The following DSCAM variants were observed in gnomAD, a reference collection of about 807,000 sequenced individuals.
The protein encoded by DSCAM is DS cell adhesion molecule, also known as cell adhesion molecule DSCAM.
A neutral mutation model predicts 217.7 loss-of-function variants in DSCAM; 47 were observed. The observed-to-expected ratio is 0.22, with a 90% confidence interval of 0.17 to 0.28. DSCAM has a LOEUF of 0.28. Among genes scored for constraint, DSCAM ranks in the 10% least tolerant of loss-of-function variants. DSCAM has a pLI of 1.00. For synonymous variants in DSCAM, 1,056 were observed against 1,015.3 expected, an observed-to-expected ratio of 1.04 and a Z score of -0.76; for missense variants, 2,080 against 2,618.3, an observed-to-expected ratio of 0.79 and a Z score of 4.49.
At chr21:40,396,361 C>T (rs1314243966) in intron 3 of DSCAM, among the ~76,000 whole-genome samples, 1 of 152,100 alleles carries the variant, frequency 6.6e-6, no homozygotes, top group Admixed American at 6.5e-5. Flanking sequence ...AGGAATTAGC[C>T]AAATTCAGTT....
rs1601380806 is a variant in DSCAM at position 40,144,864 on chromosome 21, G to C, written c.3019-133C>G. On this transcript the variant is annotated intron_variant, in intron 16 of 32. Transcript: ENST00000400454. This position sits in a 1 kb window ranked among gnomAD's most constrained non-coding sequence, Gnocchi z 4.8. Reference sequence around the variant, plus strand: ...ACGATGCTGGGGCGGTGGTCCGGTAGCAGCCGCAAACCCACGTACAGTGCA... The same window carrying C: ...ACGATGCTGGGGCGGTGGTCCGGTACCAGCCGCAAACCCACGTACAGTGCA... 6.8e-6 allele frequency: 9 copies of C among 1,331,690 alleles called. No homozygotes were observed. Among genetic ancestry groups the C allele is most frequent in the Non-Finnish European group, 3.1e-6 (3 of 976,274 alleles). The allele number at this position is 1,331,690 out of a possible 1,614,324, so 82.5% of individuals were successfully genotyped here.
intron 3 of DSCAM, among the ~76,000 whole-genome samples, chr21:40,576,516 T>C (rs1358886313): frequency 6.6e-6 from 1 of 152,102 alleles, no homozygotes; most frequent in African/African-American, 2.4e-5. Flanking sequence ...TGACAAAACA[T>C]ATTAAGCTAA....
intron 16 of DSCAM, among the ~76,000 whole-genome samples, chr21:40,156,277 C>A (rs897171970): frequency 8.6e-6 from 1 of 115,864 alleles, no homozygotes; most frequent in East Asian, 2.6e-4. Flanking sequence ...CTGTGACAGT[C>A]AAACTAAGAC....
chr21:40,376,889 T>C (rs1045348119), intron 3 of DSCAM, among the ~76,000 whole-genome samples: 4 of 151,928 alleles, frequency 2.6e-5, no homozygotes, highest in African/African-American at 4.8e-5. Context: ...ATGAGCTGAA[T>C]TTCCCCCTTC....
chr21:40,708,876 G>T, intron 1 of DSCAM, 105 bp from the exon 2 acceptor site: 1 of 830,434 alleles, frequency 1.2e-6, no homozygotes. Context: ...TAATCATGAG[G>T]CGCAGGCTCA....
intron 3 of DSCAM, among the ~76,000 whole-genome samples, chr21:40,536,676 G>A (rs923659502): frequency 6.6e-6 from 1 of 152,186 alleles, no homozygotes; most frequent in Non-Finnish European, 1.5e-5. Flanking sequence ...AAAGTGCAGG[G>A]ATTACAGGCG....
At chr21:40,137,614 C>CGT (rs2090227905) in intron 18 of DSCAM, among the ~76,000 whole-genome samples, 1 of 117,508 alleles carries the variant, frequency 8.5e-6, no homozygotes, top group Non-Finnish European at 1.9e-5. Context: ...CACACACACA[C>CGT]ACACACACAC....
At chr21:40,839,211 G>C (rs911171551) in intron 1 of DSCAM, among the ~76,000 whole-genome samples, 1 of 152,092 alleles carries the variant, frequency 6.6e-6, no homozygotes, top group African/African-American at 2.4e-5. Context: ...TTGTCTGCCC[G>C]ACACAGACTG....
intron 3 of DSCAM, among the ~76,000 whole-genome samples, chr21:40,495,903 G>A (rs973758363): frequency 5.9e-5 from 9 of 151,924 alleles, no homozygotes; most frequent in Non-Finnish European, 1.3e-4. Flanking sequence ...ATCCAAAAAA[G>A]TTATCAAGAA....
chr21:40,199,050 T>C (rs2091044109), intron 11 of DSCAM, among the ~76,000 whole-genome samples: 1 of 152,076 alleles, frequency 6.6e-6, no homozygotes, highest in African/African-American at 2.4e-5. Context: ...GAGGGCAGTC[T>C]CTTGGATAAG....
At chr21:40,255,695 G>C (rs533641436) in intron 11 of DSCAM, among the ~76,000 whole-genome samples, 4 of 152,338 alleles carry the variant, frequency 2.6e-5, no homozygotes, top group African/African-American at 9.6e-5. Flanking sequence ...GAGATCTGAA[G>C]TGTCAGAAGG....
intron 10 of DSCAM, among the ~76,000 whole-genome samples, chr21:40,292,892 C>T (rs554859784): frequency 6.6e-6 from 1 of 152,180 alleles, no homozygotes; most frequent in African/African-American, 2.4e-5. Context: ...GCCGCCACCA[C>T]GCGTGGCTAA....
intron 1 of DSCAM, among the ~76,000 whole-genome samples, chr21:40,816,471 C>T (rs538053262): frequency 6.6e-6 from 1 of 152,064 alleles, no homozygotes; most frequent in Non-Finnish European, 1.5e-5. Context: ...CCCACCTACT[C>T]GGGAGGCTGA....
At position 40,357,959 on chromosome 21, in the gene DSCAM, T is replaced by C. The variant is rs982113094; in HGVS notation, c.656-4216A>G. Among the ~76,000 whole-genome samples the C allele has an allele frequency of 2.0e-5, 3 of 152,188 alleles. 1 individual carries two copies. Among genetic ancestry groups the C allele is most frequent in the African/African-American group, 2.4e-5 (1 of 41,448 alleles). On this transcript the variant is annotated intron_variant, in intron 4 of 32. Transcript: ENST00000400454. Reference sequence around the variant, plus strand: ...ACACTAGAGTGGAATATTGAAGATATTAGAAAGTACTATGAAAAAATAGCT... The same window carrying C: ...ACACTAGAGTGGAATATTGAAGATACTAGAAAGTACTATGAAAAAATAGCT...
chr21:40,203,672 C>A (rs563863194), intron 11 of DSCAM, among the ~76,000 whole-genome samples: 27 of 152,318 alleles, frequency 1.8e-4, no homozygotes, highest in Admixed American at 1.6e-3. Context: ...AGAAGCAACA[C>A]AATTAAATAC....
chr21:40,658,742 C>T (rs949199024), intron 3 of DSCAM, among the ~76,000 whole-genome samples: 2 of 152,022 alleles, frequency 1.3e-5, no homozygotes, highest in Admixed American at 1.3e-4. Context: ...AAAATAAAAA[C>T]AGATCAAGAG....
intron 1 of DSCAM, among the ~76,000 whole-genome samples, chr21:40,833,068 G>A (rs2092025019): frequency 1.3e-5 from 2 of 152,052 alleles, no homozygotes; most frequent in African/African-American, 4.8e-5. Context: ...CCCCTCCCGG[G>A]GCCATCACAT....
At chr21:40,233,338 C>T (rs1247996304) in intron 11 of DSCAM, among the ~76,000 whole-genome samples, 1 of 151,858 alleles carries the variant, frequency 6.6e-6, no homozygotes, top group East Asian at 1.9e-4. Context: ...ATATTTTTTT[C>T]TTCACTCAAA....
chr21:40,179,184 CAAAAA>C (rs11286508), intron 14 of DSCAM, 90 bp from the exon 15 acceptor site: 61 of 102,606 alleles, frequency 5.9e-4, no homozygotes, highest in Non-Finnish European at 8.3e-4. Flanking sequence ...AATTAAAAAC[CAAAAA>C]AAAAAAAAAA....
Sources: allele counts gnomAD v4.1 joint callset (sites outside exome capture counted in the v4.1 genomes callset), GRCh38; gene constraint gnomAD v4.1.1; non-coding constraint Gnocchi (gnomAD v3.1); transcripts MANE v1.5; gene names NCBI Gene and HGNC (gene_info 2026-07-23, HGNC 2026-07-21).